The following HFM1 variants were observed in gnomAD, a reference collection of about 807,000 sequenced individuals.
The protein encoded by HFM1 is helicase for meiosis 1.
In HFM1, 169 loss-of-function variants were observed where a neutral mutation model predicts 192.1. The ratio of observed to expected loss-of-function variants is 0.88; its 90% CI spans 0.78 to 1.00. The LOEUF (loss-of-function observed/expected upper bound fraction) is 1.00. HFM1 is among the 50% of genes least tolerant of loss of function. HFM1 has a pLI of 0.00. For synonymous variants in HFM1, 525 were observed against 537.8 expected, an observed-to-expected ratio of 0.98 and a Z score of 0.33; for missense variants, 1,661 against 1,668.0, an observed-to-expected ratio of 1.00 and a Z score of 0.07.
At chr1:91,368,092 C>T (rs1659629009) in intron 13 of HFM1, among the ~76,000 whole-genome samples, 2 of 152,148 alleles carry the variant, frequency 1.3e-5, no homozygotes, top group African/African-American at 4.8e-5. Flanking sequence ...AAATATGGGA[C>T]TATGTGAAAA....
At chr1:91,361,995 C>G (rs1323328663) in intron 13 of HFM1, among the ~76,000 whole-genome samples, 1 of 152,138 alleles carries the variant, frequency 6.6e-6, no homozygotes, top group Non-Finnish European at 1.5e-5. Context: ...ATTCAACACT[C>G]CTTCATGTTA....
intron 2 of HFM1, among the ~76,000 whole-genome samples, chr1:91,400,603 T>C (rs923187662): frequency 6.6e-6 from 1 of 151,604 alleles, no homozygotes; most frequent in Non-Finnish European, 1.5e-5. Flanking sequence ...TGCCTCAGCC[T>C]CCCAAGTAGC....
chr1:91,385,673 A>G lies in HFM1; in HGVS notation c.656T>C (p.Val219Ala). 1.9e-6 allele frequency: 3 copies of G among 1,611,668 alleles called. No homozygotes were observed. The highest frequency in any genetic ancestry group is 2.5e-6 in the Non-Finnish European group (3 of 1,177,824). ...AGAAAAAGCATTATTTGCTGTAAACACATTTGCAGAATACTGAAATTTTTG... is the reference window on the plus strand; with the variant it reads ...AGAAAAAGCATTATTTGCTGTAAACGCATTTGCAGAATACTGAAATTTTTG... ...SKQKFQYSAN[V>A]FTANNAFSAS... is the part of the protein sequence containing the mutation. Residue 219 changes from valine to alanine, a missense_variant, in exon 5 of 39, where the codon GTG (valine) becomes GCG (alanine). By Grantham distance (64) the Val-to-Ala change is moderately conservative (BLOSUM62 0). Coordinates refer to ENST00000370425, the MANE Select transcript of HFM1 (RefSeq NM_001017975.6).
chr1:91,404,185 C>A (rs1419737225), intron 1 of HFM1, among the ~76,000 whole-genome samples: 2 of 152,232 alleles, frequency 1.3e-5, no homozygotes, highest in East Asian at 3.9e-4. Flanking sequence ...CAGATCTCAC[C>A]CCCTCTCCCC....
intron 19 of HFM1, 70 bp downstream of exon 19, chr1:91,347,359 A>T: frequency 2.5e-6 from 2 of 789,022 alleles, no homozygotes; most frequent in Non-Finnish European, 4.0e-6. Flanking sequence ...GCATATTCTT[A>T]CTTTCACAAT....
chr1:91,341,558 C>G (rs913411515), intron 20 of HFM1, among the ~76,000 whole-genome samples: 1 of 152,210 alleles, frequency 6.6e-6, no homozygotes, highest in Middle Eastern at 3.4e-3. Flanking sequence ...AACCCCAAAG[C>G]TGGCAGAGGA....
chr1:91,394,337 T>C lies in HFM1; in HGVS notation c.250A>G (p.Ile84Val). Residue 84 changes from isoleucine (I) to valine (V), a missense_variant, in exon 4 of 39, where the codon ATT becomes GTT. Transcript: ENST00000370425. ...LKITNEDTNYISLTQKFQFAF... is the reference protein window; with the variant it reads ...LKITNEDTNYVSLTQKFQFAF... ...AACTGGAATTTTTGTGTTAGTGAAA[T>C]ATAATTTGTATCTTCATTAGTTATC... The C allele has an allele frequency of 6.3e-7, 1 of 1,577,456 alleles. No individual in the cohort carries two copies. The highest frequency in any genetic ancestry group is 8.7e-7 in the Non-Finnish European group (1 of 1,148,140).
chr1:91,337,773 T>C (rs918010729), intron 20 of HFM1, among the ~76,000 whole-genome samples: 4 of 152,186 alleles, frequency 2.6e-5, no homozygotes, highest in African/African-American at 9.7e-5. Context: ...AGCATGAAGA[T>C]GACTGTGTGC....
intron 13 of HFM1, among the ~76,000 whole-genome samples, chr1:91,367,493 G>C (rs1659527043): frequency 6.6e-6 from 1 of 152,196 alleles, no homozygotes; most frequent in Non-Finnish European, 1.5e-5. Context: ...CAGGCAAACA[G>C]GGTCTGGAGT....
chr1:91,349,944 A>G (rs1435100300), intron 18 of HFM1, among the ~76,000 whole-genome samples: 1 of 152,220 alleles, frequency 6.6e-6, no homozygotes, highest in Non-Finnish European at 1.5e-5. Flanking sequence ...AGATATACCA[A>G]TGATTACAGA....
chr1:91,274,747 G>A lies in HFM1; in HGVS notation c.3651C>T (p.Ser1217=), dbSNP rs781519876. ...ATTTGTACCTTGATATACTAGGAAG[G>A]GAAGGTTTTGGAGTAAAACCAAACT... ...LKEFGFTPKP[S]LPSISRSEYL... Residue 1217 remains serine, a synonymous_variant, in exon 33 of 39, where the codon TCC becomes TCT. Coordinates refer to ENST00000370425, the MANE Select transcript of HFM1 (RefSeq NM_001017975.6). 1.1e-4 allele frequency: 174 copies of A among 1,534,716 alleles called. No individual in the cohort carries two copies. The highest frequency in any genetic ancestry group is 1.5e-4 in the Non-Finnish European group (171 of 1,110,512).
chr1:91,300,484 AAG>A (rs1197201873), intron 30 of HFM1, among the ~76,000 whole-genome samples: 4 of 152,196 alleles, frequency 2.6e-5, no homozygotes, highest in African/African-American at 9.7e-5. Context: ...ACAACAAAAA[AAG>A]AGAATTTTAG....
chr1:91,400,480 C>CTTTTTTTTTTTTTTTTTTTTTTT (rs112090967), intron 2 of HFM1, among the ~76,000 whole-genome samples: 2 of 139,062 alleles, frequency 1.4e-5, no homozygotes. Context: ...AGGCAAGAAT[C>CTTTTTTTTTTTTTTTTTTTTTTT]TTTTTTTTTT....
At chr1:91,276,555 T>C (rs1666836570) in intron 32 of HFM1, 73 bp downstream of exon 32, 4 of 669,268 alleles carry the variant, frequency 6.0e-6, no homozygotes, top group Non-Finnish European at 9.9e-6. Flanking sequence ...GGATACCTAA[T>C]TGACAGACAG....
At chr1:91,312,934 C>T (rs1650681321) in intron 30 of HFM1, among the ~76,000 whole-genome samples, 1 of 152,020 alleles carries the variant, frequency 6.6e-6, no homozygotes, top group African/African-American at 2.4e-5. Flanking sequence ...ATCTGATGGG[C>T]TTATCGGGGT....
chr1:91,394,222 G>T lies in HFM1; in HGVS notation c.365C>A (p.Thr122Lys), dbSNP rs1392420198. ...ATTTTTATATTTCTGAGAAGCATATGTCAGCTTGCCAGCAATATGTGATAA... is the reference window on the plus strand; with the variant it reads ...ATTTTTATATTTCTGAGAAGCATATTTCAGCTTGCCAGCAATATGTGATAA... ...NDLSHIAGKL[T>K]YASQKYKNHI... is the part of the protein sequence containing the mutation. Residue 122 changes from threonine (T) to lysine (K), a missense_variant, in exon 4 of 39, where the codon ACA (threonine) becomes AAA (lysine). Thr to Lys is a moderately conservative substitution (Grantham distance 78). Transcript: ENST00000370425. 3.1e-6 allele frequency: 5 copies of T among 1,599,446 alleles called. No homozygotes were observed. The highest frequency in any genetic ancestry group is 4.3e-6 in the Non-Finnish European group (5 of 1,166,704).
In HFM1 at chr1:91,350,814, C is replaced by T. The variant is rs1166174761; in HGVS notation, c.2130G>A (p.Thr710=). The part of the protein sequence containing the change: ...LNAEIVLHTI[T]DVNIAVEWIR... ...TCCATTCCACAGCAATATTCACATC[C>T]GTGATGGTATGCAGTACTATCTCTG... is the stretch of plus-strand genomic sequence containing the variant. Residue 710 remains threonine (T), a synonymous_variant, in exon 18 of 39, where the codon ACG becomes ACA. Transcript: ENST00000370425. 7 of 1,608,334 alleles carry T rather than the reference C, an allele frequency of 4.4e-6. No individual in the cohort carries two copies. Among genetic ancestry groups the T allele is most frequent in the African/African-American group, 4.0e-5 (3 of 74,766 alleles).
At chr1:91,325,394 C>T (rs1652745833) in intron 20 of HFM1, among the ~76,000 whole-genome samples, 1 of 152,234 alleles carries the variant, frequency 6.6e-6, no homozygotes, top group African/African-American at 2.4e-5. Context: ...TGACCCAGCA[C>T]AGTCCCAGCC....
chr1:91,353,766 T>C (rs1172792052), intron 13 of HFM1, among the ~76,000 whole-genome samples: 1 of 149,296 alleles, frequency 6.7e-6, no homozygotes, highest in East Asian at 2.0e-4. Context: ...TAGAGATGCC[T>C]AATGCTCATC....
Sources: allele counts gnomAD v4.1 joint callset (sites outside exome capture counted in the v4.1 genomes callset), GRCh38; gene constraint gnomAD v4.1.1; transcripts MANE v1.5; gene names NCBI Gene and HGNC (gene_info 2026-07-23, HGNC 2026-07-21).